The following SHC2 variants were observed in gnomAD, a reference collection of about 807,000 sequenced individuals.
The protein encoded by SHC2 is SHC adaptor protein 2, also known as SHC-transforming protein 2.
In SHC2, 62 loss-of-function variants were observed where a neutral mutation model predicts 60.6. The observed-to-expected ratio is 1.02, with a 90% CI of 0.83 to 1.26. The LOEUF (loss-of-function observed/expected upper bound fraction) is 1.26. Ranked by LOEUF, SHC2 falls within the 50% of genes most tolerant of loss-of-function variation. The pLI, the probability that SHC2 is intolerant of heterozygous loss-of-function variation, is 0.00. For synonymous variants in SHC2, 375 were observed against 372.4 expected (o/e 1.01, Z -0.08); for missense variants, 873 against 822.2 (o/e 1.06, Z -0.76).
rs1600304384 is a variant in SHC2, at chr19:441,678, G to A, written c.469-746C>T. 6.6e-6 allele frequency among the ~76,000 whole-genome samples: 1 copy of A among 152,242 alleles called. No individual in the cohort carries two copies. Among genetic ancestry groups the A allele is most frequent in the African/African-American group, 2.4e-5 (1 of 41,462 alleles). On this transcript the variant is annotated intron_variant, in intron 1 of 12. Transcript: ENST00000264554. This position sits in a 1 kb window ranked among gnomAD's most constrained non-coding sequence, Gnocchi z 4.9. ...TGGGTGCCAGGAGCCGGGGAATGAAGGCTGACACGAACAGGTTTCCTACTG... is the reference window on the plus strand; with the variant it reads ...TGGGTGCCAGGAGCCGGGGAATGAAAGCTGACACGAACAGGTTTCCTACTG...
chr19:451,701 G>A (rs577102104), intron 1 of SHC2, among the ~76,000 whole-genome samples: 1 of 152,242 alleles, frequency 6.6e-6, no homozygotes, highest in South Asian at 2.1e-4. Context: ...GGGTTCAAGC[G>A]ATTCTCCTGC....
chr19:437,206 G>T (rs543635492), intron 4 of SHC2, among the ~76,000 whole-genome samples: 3 of 152,014 alleles, frequency 2.0e-5, no homozygotes. Flanking sequence ...CTACTTGCTC[G>T]TTTGCGTGGT....
rs778476423 is a variant in SHC2 at position 434,728 on chromosome 19, G to A, written c.1091C>T (p.Ala364Val). 3.1e-6 allele frequency: 5 copies of A among 1,611,724 alleles called. No homozygotes were observed. The highest frequency in any genetic ancestry group is 4.2e-6 in the Non-Finnish European group (5 of 1,179,540). The stretch of plus-strand genomic sequence containing the variant: ...GCTGACCTGGTCGAGGGCCGTGAGG[G>A]CGCAGGGCTGTGTCAGGGCCAGCCT... Reference protein sequence around the residue: ...DSRLALTQPCALTALDQGPSP... With the variant: ...DSRLALTQPCVLTALDQGPSP... The change falls in exon 8 of 13, where the codon GCC becomes GTC. Residue 364 changes from alanine (A) to valine (V), a missense_variant. Ala to Val is a moderately conservative substitution (Grantham distance 64). Transcript: ENST00000264554.
chr19:434,818 AAAG>A lies in SHC2; in HGVS notation c.998_1000del (p.Ser333del). 6.2e-7 allele frequency: 1 copy of A among 1,612,800 alleles called. No individual in the cohort carries two copies. On this transcript the variant is annotated inframe_deletion, in exon 8 of 13. Transcript: ENST00000264554. ...GATGCTGTTGTAGTAATTGTGCTCC[AAAG>A]AGTCCTCCTCGTCCCCCCAGGCCGA...
rs781417244 is a variant in SHC2, at chr19:434,805, G to A, written c.1014C>T (p.Tyr338=). Residue 338 remains tyrosine (Y), a synonymous_variant, in exon 8 of 13, where the codon TAC becomes TAT. Transcript: ENST00000264554. ...GDEEDSLEHN[Y]YNSIPGKEPP... ...GCTCCTTCCCCGGGATGCTGTTGTA[G>A]TAATTGTGCTCCAAAGAGTCCTCCT... The A allele has an allele frequency of 1.9e-6, 3 of 1,612,950 alleles. No homozygotes were observed. The Admixed American group carries it at 5.0e-5, about 27-fold the overall frequency.
At chr19:458,012 G>A (rs1568300295) in intron 1 of SHC2, among the ~76,000 whole-genome samples, 1 of 137,758 alleles carries the variant, frequency 7.3e-6, no homozygotes, top group Non-Finnish European at 1.7e-5. Flanking sequence ...GGCAGAAGAG[G>A]GTCTTGGGGA....
chr19:425,012 G>T lies in SHC2; in HGVS notation c.1309+85C>A. The T allele has an allele frequency of 1.5e-6, 2 of 1,290,774 alleles. No homozygotes were observed. The highest frequency in any genetic ancestry group is 2.0e-6 in the Non-Finnish European group (2 of 995,424). 80.0% of individuals were successfully genotyped at this position (1,290,774 alleles called of 1,614,324 possible). A position where few individuals can be genotyped will look rare whatever the true frequency, so the allele number is the denominator to read the frequency against. On this transcript the variant is annotated intron_variant, in intron 10 of 12. Transcript: ENST00000264554. This position sits in a 1 kb window ranked among gnomAD's most constrained non-coding sequence, Gnocchi z 4.1. ...CTCCCCCATCAGACCAGGGAATCCCGTAGGGAGTGGGGGTGGGGTTGTGCC... is the reference window on the plus strand; with the variant it reads ...CTCCCCCATCAGACCAGGGAATCCCTTAGGGAGTGGGGGTGGGGTTGTGCC...
chr19:426,276 A>G (rs1399465711), intron 9 of SHC2, among the ~76,000 whole-genome samples: 1 of 152,232 alleles, frequency 6.6e-6, no homozygotes, highest in African/African-American at 2.4e-5. Flanking sequence ...AGAGGGGCAC[A>G]GATTCTCTCA....
chr19:418,035 C>T (rs1974192478), intron 12 of SHC2, among the ~76,000 whole-genome samples: 1 of 152,180 alleles, frequency 6.6e-6, no homozygotes. Context: ...GCTGCACCCT[C>T]TCCTGCCCCA....
At position 436,216 on chromosome 19, in the gene SHC2, C is replaced by T. The variant is rs375398479; in HGVS notation, c.902G>A (p.Arg301His). 3.6e-5 allele frequency: 58 copies of T among 1,605,572 alleles called. No homozygotes were observed. Among genetic ancestry groups the T allele is most frequent in the South Asian group, 2.7e-4 (24 of 89,608 alleles). The change falls in exon 7 of 13, where the codon CGC (arginine) becomes CAC (histidine). Residue 301 changes from arginine to histidine, a missense_variant. Physicochemically the swap from Arg to His is conservative, Grantham distance 29 (BLOSUM62 0). Coordinates refer to ENST00000264554, the MANE Select transcript of SHC2 (RefSeq NM_012435.3). ...CGGGCTGTGCAGGTACTGCTTGAAG[C>T]GCAGCTCGAAAGCTTGGCCCACGGT... ...ISTVGQAFEL[R>H]FKQYLHSPPK...
rs1449098094 is a variant in SHC2, at chr19:441,044, C to T, written c.469-112G>A. On this transcript the variant is annotated intron_variant, in intron 1 of 12. Transcript: ENST00000264554. The surrounding 1 kb of genome is among the most constrained non-coding windows in gnomAD (Gnocchi z 4.9). Reference sequence around the variant, plus strand: ...ACCACCCCTGGGGTCGAGCCCTTTCCTCTGTCCCTGGTGGCTCTGGGGCCG... The same window carrying T: ...ACCACCCCTGGGGTCGAGCCCTTTCTTCTGTCCCTGGTGGCTCTGGGGCCG... 14 of 1,531,830 alleles carry T rather than the reference C, an allele frequency of 9.1e-6. No homozygotes were observed. The South Asian group carries it at 1.4e-4, about 16-fold the overall frequency. 94.9% of individuals were successfully genotyped at this position (1,531,830 alleles called of 1,614,324 possible).
intron 1 of SHC2, among the ~76,000 whole-genome samples, chr19:447,307 G>T (rs543274659): frequency 6.6e-6 from 1 of 152,128 alleles, no homozygotes; most frequent in East Asian, 1.9e-4. Flanking sequence ...GGATGGGGAG[G>T]GGGTGGAGGG....
chr19:451,269 TG>T (rs1267071688), intron 1 of SHC2, among the ~76,000 whole-genome samples: 2 of 147,562 alleles, frequency 1.4e-5, no homozygotes, highest in Admixed American at 6.8e-5. Flanking sequence ...GCCGTGGCTG[TG>T]CTGTATTTCA....
chr19:430,269 A>T (rs1424060739), intron 9 of SHC2, among the ~76,000 whole-genome samples: 3 of 150,950 alleles, frequency 2.0e-5, no homozygotes, highest in African/African-American at 7.3e-5. Context: ...CGTGTGGATG[A>T]CGCAGTACCT....
intron 9 of SHC2, 78 bp downstream of exon 9, chr19:430,604 TGA>T: frequency 8.9e-7 from 1 of 1,117,446 alleles, no homozygotes; most frequent in South Asian, 1.4e-5. Context: ...GGAGAAAGAC[TGA>T]GGGGGAGCCA....
intron 1 of SHC2, among the ~76,000 whole-genome samples, chr19:450,006 G>A (rs971922865): frequency 2.0e-5 from 3 of 152,196 alleles, no homozygotes; most frequent in Admixed American, 1.3e-4. Context: ...GACCAGTGCC[G>A]CCCTCCACCC....
intron 1 of SHC2, among the ~76,000 whole-genome samples, chr19:451,849 T>A (rs11085053): frequency 0.59 from 89,240 of 152,142 alleles, 28,907 homozygotes; most frequent in African/African-American, 0.89. Context: ...AGCCCGCCTC[T>A]GCCTCCCAAA....
chr19:450,992 C>G, intron 1 of SHC2, among the ~76,000 whole-genome samples: 1 of 148,504 alleles, frequency 6.7e-6, no homozygotes, highest in South Asian at 2.1e-4. Context: ...TGGATGGCCA[C>G]GCCATGGCTG....
At position 440,918 on chromosome 19, in the gene SHC2, G is replaced by A. The variant is rs61754498; in HGVS notation, c.483C>T (p.Ile161=). The A allele has an allele frequency of 5.1e-3, 8,160 of 1,612,356 alleles. 32 individuals carry two copies. The highest frequency in any genetic ancestry group is 6.1e-3 in the Middle Eastern group (37 of 6,058). Residue 161 remains isoleucine (I), a synonymous_variant, in exon 2 of 13, where the codon ATC becomes ATT. Coordinates refer to ENST00000264554, the MANE Select transcript of SHC2 (RefSeq NM_012435.3). The surrounding 1 kb of genome is among the most constrained non-coding windows in gnomAD (Gnocchi z 7.0). ...GGGAGCGCATAGAGCGGAGAACCTC[G>A]ATGCAGCCCATGTACTGAGGGGAGA... ...VSYVVRYMGC[I]EVLRSMRSLD... is the part of the protein sequence containing the mutation.
Sources: allele counts gnomAD v4.1 joint callset (sites outside exome capture counted in the v4.1 genomes callset), GRCh38; gene constraint gnomAD v4.1.1; non-coding constraint Gnocchi (gnomAD v3.1); transcripts MANE v1.5; gene names NCBI Gene and HGNC (gene_info 2026-07-23, HGNC 2026-07-21).